The following RPTOR variants were observed in gnomAD, a reference collection of about 807,000 sequenced individuals.
The protein encoded by RPTOR is regulatory-associated protein of mTOR.
RPTOR carries 21 observed loss-of-function variants against 169.9 expected under a neutral mutation model. That is an observed-to-expected ratio of 0.12 (90% CI 0.09 to 0.18). The LOEUF is 0.18. Among genes scored for constraint, RPTOR ranks in the 10% least tolerant of loss-of-function variants. The pLI, the probability that RPTOR is intolerant of heterozygous loss-of-function variation, is 1.00. For synonymous variants in RPTOR, 732 were observed against 753.2 expected (o/e 0.97, Z 0.46); for missense variants, 1,133 against 1,855.9 (o/e 0.61, Z 7.16).
chr17:80,682,106 G>GA (rs1567854658), intron 3 of RPTOR, among the ~76,000 whole-genome samples: 1 of 67,748 alleles, frequency 1.5e-5, no homozygotes. Context: ...ATGTGATTAG[G>GA]TCCCCCCCCC....
At chr17:80,545,859 A>T in intron 1 of RPTOR, 68 bp downstream of exon 1, 1 of 1,385,138 alleles carries the variant, frequency 7.2e-7, no homozygotes, top group East Asian at 2.5e-5. Flanking sequence ...TACAGCCCGA[A>T]AAGTGTCCTT....
At chr17:80,712,733 G>C (rs892995280) in intron 4 of RPTOR, among the ~76,000 whole-genome samples, 1 of 152,212 alleles carries the variant, frequency 6.6e-6, no homozygotes, top group Admixed American at 6.5e-5. Context: ...AGCTTTATAA[G>C]GAACTGTGAA....
At chr17:80,772,487 C>T (rs1193109300) in intron 6 of RPTOR, among the ~76,000 whole-genome samples, 1 of 138,588 alleles carries the variant, frequency 7.2e-6, no homozygotes, top group Non-Finnish European at 1.6e-5. Context: ...CCTGGACCCC[C>T]TTCCTCTCCC....
At chr17:80,602,890 C>T (rs1258229092) in intron 1 of RPTOR, 3 of 474,070 alleles carry the variant, frequency 6.3e-6, no homozygotes, top group Admixed American at 3.2e-5. Context: ...GCAGAATGGC[C>T]GTTTTTCTTC....
intron 16 of RPTOR, among the ~76,000 whole-genome samples, chr17:80,884,520 A>G (rs2068220915): frequency 6.6e-6 from 1 of 152,166 alleles, no homozygotes; most frequent in Non-Finnish European, 1.5e-5. Context: ...CCAGGACCAC[A>G]TGGTGTCAGA....
Position 80,646,650 on chromosome 17 carries a change from T to G in RPTOR, c.348+2840T>G, listed in dbSNP as rs538024753. ...ACTTGATTGCACTCTACAGGGCTCTTGAGTTTCTGCAGTAATAAAGAGAGG... is the reference window on the plus strand; with the variant it reads ...ACTTGATTGCACTCTACAGGGCTCTGGAGTTTCTGCAGTAATAAAGAGAGG... On this transcript the variant is annotated intron_variant, in intron 3 of 33. Transcript: ENST00000306801. This position sits in a 1 kb window ranked among gnomAD's most constrained non-coding sequence, Gnocchi z 5.0. 2.9e-4 allele frequency among the ~76,000 whole-genome samples: 44 copies of G among 152,298 alleles called. No individual in the cohort carries two copies. The highest frequency in any genetic ancestry group is 5.1e-4 in the Non-Finnish European group (35 of 68,022).
intron 5 of RPTOR, among the ~76,000 whole-genome samples, chr17:80,736,543 C>G (rs1188492020): frequency 6.6e-6 from 1 of 152,200 alleles, no homozygotes; most frequent in African/African-American, 2.4e-5. Flanking sequence ...TATTGTAATT[C>G]TGCCAAAAAT....
chr17:80,824,188 A>G, intron 9 of RPTOR, among the ~76,000 whole-genome samples: 1 of 152,248 alleles, frequency 6.6e-6, no homozygotes, highest in East Asian at 1.9e-4. Context: ...TATGCGATAG[A>G]TCAAAATACA....
At chr17:80,877,484 T>G (rs117216288) in intron 13 of RPTOR, among the ~76,000 whole-genome samples, 2 of 152,216 alleles carry the variant, frequency 1.3e-5, no homozygotes, top group Non-Finnish European at 2.9e-5. Context: ...CACATCTAAG[T>G]TCTCCCACCC....
At chr17:80,700,500 A>T (rs1439296775) in intron 3 of RPTOR, among the ~76,000 whole-genome samples, 5 of 70,662 alleles carry the variant, frequency 7.1e-5, no homozygotes, top group East Asian at 4.4e-4. Context: ...GTGATGGTAG[A>T]GATGATGGTG....
Position 80,730,598 on chromosome 17 carries a change from G to A in RPTOR, c.546G>A (p.Leu182=), listed in dbSNP as rs1057166744. The A allele has an allele frequency of 6.2e-7, 1 of 1,614,044 alleles. No individual in the cohort carries two copies. The highest frequency in any genetic ancestry group is 1.3e-5 in the African/African-American group (1 of 74,930). ...ACATCCCTCTGTCCATATATGACCT[G>A]CAGACGTGGATGGGCAGCCCGTCGA... ...TQYIPLSIYD[L]QTWMGSPSIF... The change falls in exon 5 of 34, where the codon CTG becomes CTA. Residue 182 remains leucine (L), a synonymous_variant. Coordinates refer to ENST00000306801, the MANE Select transcript of RPTOR (RefSeq NM_020761.3). The surrounding 1 kb of genome is among the most constrained non-coding windows in gnomAD (Gnocchi z 4.2).
chr17:80,843,139 C>T (rs553841090), intron 10 of RPTOR, among the ~76,000 whole-genome samples: 2 of 152,274 alleles, frequency 1.3e-5, no homozygotes, highest in South Asian at 2.1e-4. Context: ...AAAGAACCTG[C>T]TGGATTTTTG....
intron 1 of RPTOR, among the ~76,000 whole-genome samples, chr17:80,613,232 C>G (rs1190368952): frequency 6.6e-6 from 1 of 152,168 alleles, no homozygotes; most frequent in Non-Finnish European, 1.5e-5. Context: ...TCTCCAGACT[C>G]GAGTGACACT....
At chr17:80,599,768 G>A (rs1014601626) in intron 1 of RPTOR, among the ~76,000 whole-genome samples, 8 of 152,196 alleles carry the variant, frequency 5.3e-5, no homozygotes, top group Non-Finnish European at 1.2e-4. Flanking sequence ...GAGGGAACGT[G>A]TCATTGCACG....
Position 80,923,475 on chromosome 17 carries a change from T to G in RPTOR, c.2625-15T>G. 6.2e-7 allele frequency: 1 copy of G among 1,613,722 alleles called. No individual in the cohort carries two copies. Among genetic ancestry groups the G allele is most frequent in the Non-Finnish European group, 8.5e-7 (1 of 1,179,952 alleles). On this transcript the variant is annotated splice_polypyrimidine_tract_variant and intron_variant, in intron 22 of 33. Coordinates refer to ENST00000306801, the MANE Select transcript of RPTOR (RefSeq NM_020761.3). Reference sequence around the variant, plus strand: ...TCTGCAGAGGATGCAGTGTTTGTTTTTCTTCCAATGGCAGGGGCTCCCCTC... The same window carrying G: ...TCTGCAGAGGATGCAGTGTTTGTTTGTCTTCCAATGGCAGGGGCTCCCCTC...
At chr17:80,678,358 A>C (rs1394084643) in intron 3 of RPTOR, among the ~76,000 whole-genome samples, 1 of 152,198 alleles carries the variant, frequency 6.6e-6, no homozygotes, top group Non-Finnish European at 1.5e-5. Flanking sequence ...TAATCCCAGC[A>C]GTTTGGGAGG....
intron 2 of RPTOR, among the ~76,000 whole-genome samples, chr17:80,627,892 G>A (rs2065408514): frequency 1.3e-5 from 2 of 150,222 alleles, no homozygotes; most frequent in South Asian, 2.1e-4. Flanking sequence ...GGCTGGGAGT[G>A]CAATGGCACG....
chr17:80,894,933 G>A (rs577671762), intron 20 of RPTOR, among the ~76,000 whole-genome samples: 22 of 152,322 alleles, frequency 1.4e-4, no homozygotes, highest in African/African-American at 4.8e-4. Flanking sequence ...TATTGGCGCC[G>A]TCGCACGATG....
chr17:80,937,626 C>G (rs1382692537), intron 24 of RPTOR, among the ~76,000 whole-genome samples: 1 of 152,240 alleles, frequency 6.6e-6, no homozygotes, highest in African/African-American at 2.4e-5. Context: ...CCTCCAGGAG[C>G]TCTGTTTACA....
Sources: gnomAD v4.1 joint callset for allele counts (sites outside exome capture counted in the v4.1 genomes callset) on GRCh38, gnomAD v4.1.1 for gene constraint, Gnocchi (gnomAD v3.1) non-coding constraint, MANE v1.5 for transcripts, NCBI Gene and HGNC (gene_info 2026-07-23, HGNC 2026-07-21) for gene names.